OSBPL3: variants seen among roughly 807,000 people sequenced by gnomAD.
OSBPL3 encodes the protein oxysterol-binding protein-related protein 3.
OSBPL3 carries 65 observed loss-of-function variants against 120.1 expected under a neutral mutation model. That is an observed-to-expected ratio of 0.54 (90% CI 0.44 to 0.67). The LOEUF (loss-of-function observed/expected upper bound fraction) is 0.67. Among genes scored for constraint, OSBPL3 ranks in the 30% least tolerant of loss-of-function variants. The probability of loss-of-function intolerance (pLI) is 0.00; values close to 1 mark genes in which losing one functional copy is unlikely to be tolerated. For missense variants in OSBPL3, 1,004 were observed against 1,082.1 expected (o/e 0.93, Z 1.01); for synonymous variants, 416 against 402.6 (o/e 1.03, Z -0.40).
intron 1 of OSBPL3, among the ~76,000 whole-genome samples, chr7:24,929,319 C>T (rs1431500157): frequency 2.0e-5 from 3 of 152,136 alleles, no homozygotes; most frequent in African/African-American, 4.8e-5. Flanking sequence ...GGGTCGTTGT[C>T]GTAAATTTTA....
rs1170561164 is a variant in OSBPL3, at chr7:24,966,732, G to GTT, written c.-150+13152_-150+13153dup. 6.6e-6 allele frequency among the ~76,000 whole-genome samples: 1 copy of GTT among 152,182 alleles called. No homozygotes were observed. Among genetic ancestry groups the GTT allele is most frequent in the African/African-American group, 2.4e-5 (1 of 41,438 alleles). ...TAATTAGGGTGGAGTTTTACACTAT[G>GTT]TTTGTGTATATGTATGTTTATAAGG... On this transcript the variant is annotated intron_variant, in intron 1 of 22. Coordinates refer to ENST00000313367, the MANE Select transcript of OSBPL3 (RefSeq NM_015550.4). This position sits in a 1 kb window ranked among gnomAD's most constrained non-coding sequence, Gnocchi z 4.8.
At chr7:24,977,754 G>A (rs903912934) in intron 1 of OSBPL3, among the ~76,000 whole-genome samples, 1 of 152,216 alleles carries the variant, frequency 6.6e-6, no homozygotes, top group Non-Finnish European at 1.5e-5. Flanking sequence ...CACCCGGGAG[G>A]CTGAGGCAGG....
chr7:24,972,650 G>A lies in OSBPL3; in HGVS notation c.-150+7236C>T, dbSNP rs898706276. Among the ~76,000 whole-genome samples the A allele has an allele frequency of 2.6e-5, 4 of 152,194 alleles. No individual in the cohort carries two copies. Among genetic ancestry groups the A allele is most frequent in the African/African-American group, 9.7e-5 (4 of 41,444 alleles). On this transcript the variant is annotated intron_variant, in intron 1 of 22. Transcript: ENST00000313367. The surrounding 1 kb of genome is among the most constrained non-coding windows in gnomAD (Gnocchi z 4.3). Reference sequence around the variant, plus strand: ...CGTATGAGCAAAAATCTTAGCGCATGCTTTAATTCTAGGGAGGCATCTACT... The same window carrying A: ...CGTATGAGCAAAAATCTTAGCGCATACTTTAATTCTAGGGAGGCATCTACT...
In OSBPL3 at chr7:24,967,218, G is replaced by A. The variant is rs1431282346; in HGVS notation, c.-150+12668C>T. ...TTTGTATTTGACTACCAGTTGAACT[G>A]ATTAACACATATTCCCTTGCTCAAA... is the stretch of plus-strand genomic sequence containing the variant. On this transcript the variant is annotated intron_variant, in intron 1 of 22. Coordinates refer to ENST00000313367, the MANE Select transcript of OSBPL3 (RefSeq NM_015550.4). This position sits in a 1 kb window ranked among gnomAD's most constrained non-coding sequence, Gnocchi z 5.6. Among the ~76,000 whole-genome samples, 1 of 152,130 alleles carries A rather than the reference G, an allele frequency of 6.6e-6. No individual in the cohort carries two copies. The highest frequency in any genetic ancestry group is 2.4e-5 in the African/African-American group (1 of 41,410).
At chr7:24,906,462 G>GC (rs79339858) in intron 1 of OSBPL3, 224,440 of 224,468 alleles carry the variant, frequency 1, 112,206 homozygotes, top group Middle Eastern at 1. Flanking sequence ...CAGGCTCTGA[G>GC]CTGCTCTTCC....
rs1814903151 is a variant in OSBPL3 at position 24,955,277 on chromosome 7, A to T, written c.-150+24609T>A. 6.6e-6 allele frequency among the ~76,000 whole-genome samples: 1 copy of T among 152,256 alleles called. No individual in the cohort carries two copies. Among genetic ancestry groups the T allele is most frequent in the Non-Finnish European group, 1.5e-5 (1 of 68,040 alleles). On this transcript the variant is annotated intron_variant, in intron 1 of 22. Transcript: ENST00000313367. The surrounding 1 kb of genome is among the most constrained non-coding windows in gnomAD (Gnocchi z 4.3). ...ACCAGTTAATTCCCCACCAACAAGGAAGAAAGCAAACTTTTCCCATAATGA... is the reference window on the plus strand; with the variant it reads ...ACCAGTTAATTCCCCACCAACAAGGTAGAAAGCAAACTTTTCCCATAATGA...
chr7:24,902,786 T>C (rs1193339969), intron 1 of OSBPL3, among the ~76,000 whole-genome samples: 1 of 151,606 alleles, frequency 6.6e-6, no homozygotes, highest in African/African-American at 2.4e-5. Context: ...ATTCTTAGCT[T>C]TTAGAGACTG....
chr7:24,875,699 T>C (rs1802745639), intron 2 of OSBPL3, among the ~76,000 whole-genome samples: 1 of 151,798 alleles, frequency 6.6e-6, no homozygotes, highest in African/African-American at 2.4e-5. Context: ...GGTGAAAGAG[T>C]GAGACCCAGT....
rs951565710 is a variant in OSBPL3, at chr7:24,932,962, A to C, written c.-149-40341T>G. On this transcript the variant is annotated intron_variant, in intron 1 of 22. Transcript: ENST00000313367. This position sits in a 1 kb window ranked among gnomAD's most constrained non-coding sequence, Gnocchi z 5.6. The stretch of plus-strand genomic sequence containing the variant: ...CAGAATGCCATGTTACAAACCAGTG[A>C]ACCGTCTTTCCTCCATATTCAAATT... Among the ~76,000 whole-genome samples, 4 of 152,254 alleles carry C rather than the reference A, an allele frequency of 2.6e-5. No individual in the cohort carries two copies. The highest frequency in any genetic ancestry group is 9.6e-5 in the African/African-American group (4 of 41,470).
chr7:24,891,082 G>C lies in OSBPL3; in HGVS notation c.96+1295C>G, dbSNP rs1805278844. Among the ~76,000 whole-genome samples, 1 of 152,140 alleles carries C rather than the reference G, an allele frequency of 6.6e-6. No individual in the cohort carries two copies. Among genetic ancestry groups the C allele is most frequent in the South Asian group, 2.1e-4 (1 of 4,826 alleles). On this transcript the variant is annotated intron_variant, in intron 2 of 22. Transcript: ENST00000313367. The surrounding 1 kb of genome is among the most constrained non-coding windows in gnomAD (Gnocchi z 4.1). ...CCACATACTGTTTTAATCCCAACCA[G>C]AGTTTTGGCTTAGGGAGAAAAATAC...
In OSBPL3 at chr7:24,863,388, C is replaced by T; in HGVS notation, c.778-96G>A. On this transcript the variant is annotated intron_variant, in intron 8 of 22. Transcript: ENST00000313367. This position sits in a 1 kb window ranked among gnomAD's most constrained non-coding sequence, Gnocchi z 5.8. ...AAAGTGACCACCTCCATCCCCTTGA[C>T]TTTGGCTGAAGCAACTGACCACAGC... 7.1e-7 allele frequency: 1 copy of T among 1,401,508 alleles called. No individual in the cohort carries two copies. Among genetic ancestry groups the T allele is most frequent in the Non-Finnish European group, 1.0e-6 (1 of 986,752 alleles). 86.8% of individuals were successfully genotyped at this position (1,401,508 alleles called of 1,614,324 possible).
At chr7:24,961,967 C>T (rs1227180901) in intron 1 of OSBPL3, among the ~76,000 whole-genome samples, 1 of 152,052 alleles carries the variant, frequency 6.6e-6, no homozygotes, top group Non-Finnish European at 1.5e-5. Flanking sequence ...TTTTGTCTGC[C>T]CAACCAACTC....
Position 24,872,166 on chromosome 7 carries a change from G to T in OSBPL3, c.97-97C>A. ...CCTGTCAGTAAATTTATTCAAGATG[G>T]GGAGGCTGGCTGGGTTTGTTGGGGA... On this transcript the variant is annotated intron_variant, in intron 2 of 22. Coordinates refer to ENST00000313367, the MANE Select transcript of OSBPL3 (RefSeq NM_015550.4). This position sits in a 1 kb window ranked among gnomAD's most constrained non-coding sequence, Gnocchi z 4.1. 1 of 879,700 alleles carries T rather than the reference G, an allele frequency of 1.1e-6. No individual in the cohort carries two copies. Among genetic ancestry groups the T allele is most frequent in the South Asian group, 1.4e-5 (1 of 69,500 alleles). The allele number at this position is 879,700 out of a possible 1,614,324, so 54.5% of individuals were successfully genotyped here. A position where few individuals can be genotyped will look rare whatever the true frequency, so the allele number is the denominator to read the frequency against.
intron 16 of OSBPL3, among the ~76,000 whole-genome samples, chr7:24,825,243 G>C (rs1206306334): frequency 6.6e-6 from 1 of 152,192 alleles, no homozygotes; most frequent in Non-Finnish European, 1.5e-5. Flanking sequence ...GCCTGAGCTA[G>C]GTGACCAGCA....
chr7:24,858,712 T>G (rs953403925), intron 10 of OSBPL3, among the ~76,000 whole-genome samples: 2 of 152,110 alleles, frequency 1.3e-5, no homozygotes, highest in Non-Finnish European at 2.9e-5. Context: ...TTTCACAAAG[T>G]GGGAAAGACA....
intron 1 of OSBPL3, among the ~76,000 whole-genome samples, chr7:24,973,350 C>T (rs188731394): frequency 1.3e-5 from 2 of 152,242 alleles, no homozygotes; most frequent in African/African-American, 2.4e-5. Flanking sequence ...GCTTTAAACC[C>T]ACACAATATT....
intron 22 of OSBPL3, among the ~76,000 whole-genome samples, chr7:24,800,842 T>C (rs1792234110): frequency 6.6e-6 from 1 of 151,930 alleles, no homozygotes; most frequent in South Asian, 2.1e-4. Flanking sequence ...GGAGAGTCTG[T>C]CATATACAAA....
chr7:24,941,484 T>C (rs1813103573), intron 1 of OSBPL3, among the ~76,000 whole-genome samples: 1 of 152,150 alleles, frequency 6.6e-6, no homozygotes, highest in Admixed American at 6.5e-5. Flanking sequence ...TAGTGAGCTC[T>C]CCCCACTAAA....
chr7:24,856,541 G>GA, intron 10 of OSBPL3, among the ~76,000 whole-genome samples: 1 of 152,146 alleles, frequency 6.6e-6, no homozygotes, highest in Non-Finnish European at 1.5e-5. Flanking sequence ...TGGTACAGGA[G>GA]AAAGAAATTC....
Sources: allele counts gnomAD v4.1 joint callset (sites outside exome capture counted in the v4.1 genomes callset), GRCh38; gene constraint gnomAD v4.1.1; non-coding constraint Gnocchi (gnomAD v3.1); transcripts MANE v1.5; gene names NCBI Gene and HGNC (gene_info 2026-07-23, HGNC 2026-07-21).